ATP8A2: variants seen among roughly 807,000 people sequenced by gnomAD.
ATP8A2 encodes the protein ATPase phospholipid transporting 8A2, also known as phospholipid-transporting ATPase IB.
In ATP8A2, 100 loss-of-function variants were observed where a neutral mutation model predicts 165.6. The observed-to-expected ratio is 0.60, with a 90% confidence interval of 0.51 to 0.71. The LOEUF (loss-of-function observed/expected upper bound fraction) is 0.71, where lower values mean the gene tolerates loss of function less well. ATP8A2 is among the 30% of genes least tolerant of loss of function. ATP8A2 has a pLI of 0.00. For synonymous variants in ATP8A2, 543 were observed against 548.8 expected (o/e 0.99, Z 0.15); for missense variants, 1,227 against 1,479.5 (o/e 0.83, Z 2.80).
intron 1 of ATP8A2, among the ~76,000 whole-genome samples, chr13:25,439,826 G>A (rs1287720032): frequency 6.6e-6 from 1 of 151,910 alleles, no homozygotes; most frequent in African/African-American, 2.4e-5. Context: ...AGGATTGCTT[G>A]GGCCCAGGAG....
At chr13:25,772,063 C>A (rs1274550959) in intron 26 of ATP8A2, among the ~76,000 whole-genome samples, 1 of 152,162 alleles carries the variant, frequency 6.6e-6, no homozygotes, top group Non-Finnish European at 1.5e-5. Flanking sequence ...GGTTCTATTT[C>A]TTCCCTGCCT....
At chr13:25,715,243 G>T (rs2043232448) in intron 25 of ATP8A2, among the ~76,000 whole-genome samples, 1 of 152,156 alleles carries the variant, frequency 6.6e-6, no homozygotes, top group Non-Finnish European at 1.5e-5. Context: ...AGTCTCATTG[G>T]AACTTGGACT....
At chr13:25,934,413 G>A (rs777768583) in intron 33 of ATP8A2, among the ~76,000 whole-genome samples, 2 of 152,254 alleles carry the variant, frequency 1.3e-5, no homozygotes, top group Non-Finnish European at 2.9e-5. Context: ...AGCTGATACA[G>A]ATCGCAAGGC....
At chr13:25,899,785 T>A (rs1055423645) in intron 33 of ATP8A2, among the ~76,000 whole-genome samples, 4 of 152,010 alleles carry the variant, frequency 2.6e-5, no homozygotes, top group African/African-American at 9.7e-5. Flanking sequence ...GAAACTTGAT[T>A]TTCCTGCAGA....
chr13:25,962,256 G>T (rs1271000856), intron 34 of ATP8A2, among the ~76,000 whole-genome samples: 3 of 152,120 alleles, frequency 2.0e-5, no homozygotes, highest in African/African-American at 7.2e-5. Flanking sequence ...TTAGAGGGAA[G>T]CTATGTATAG....
chr13:25,872,083 A>G (rs1566223821), intron 33 of ATP8A2, among the ~76,000 whole-genome samples: 1 of 114,592 alleles, frequency 8.7e-6, no homozygotes, highest in African/African-American at 3.4e-5. Context: ...GCGCATTCAA[A>G]TGGTGCTGCT....
chr13:25,660,849 A>G (rs777477096), intron 24 of ATP8A2, among the ~76,000 whole-genome samples: 1 of 152,168 alleles, frequency 6.6e-6, no homozygotes, highest in Non-Finnish European at 1.5e-5. Flanking sequence ...CGGTTACCCC[A>G]AAAGGGACTC....
chr13:25,635,196 A>G (rs1324794391), intron 24 of ATP8A2, among the ~76,000 whole-genome samples: 1 of 152,172 alleles, frequency 6.6e-6, no homozygotes, highest in African/African-American at 2.4e-5. Context: ...AAAAGAGACA[A>G]TTCATAAACA....
rs542606008 is a variant in ATP8A2, at chr13:25,699,330, C to T, written c.2369C>T (p.Ala790Val). 2.7e-5 allele frequency: 43 copies of T among 1,612,134 alleles called. 1 individual carries two copies. Among genetic ancestry groups the T allele is most frequent in the East Asian group, 8.9e-5 (4 of 44,832 alleles). Residue 790 changes from alanine (A) to valine (V), a missense_variant, in exon 25 of 37, where the codon GCG (alanine) becomes GTG (valine). Around this residue, in one of 5 missense-constraint regions of ATP8A2, gnomAD observed 592 missense variants for 785.6 expected, o/e 0.75. Transcript: ENST00000381655. The stretch of plus-strand genomic sequence containing the variant: ...CTGGATTTGGCACTCTCGTGCAAAG[C>T]GGTCATATGCTGCAGGTAGGAACCT... ...SFLDLALSCK[A>V]VICCRVSPLQ... is the part of the protein sequence containing the mutation.
intron 27 of ATP8A2, among the ~76,000 whole-genome samples, chr13:25,792,507 A>G (rs975537854): frequency 2.6e-5 from 4 of 152,224 alleles, no homozygotes; most frequent in East Asian, 1.9e-4. Flanking sequence ...CTCACTAAGT[A>G]TGTATTATTT....
At chr13:26,009,559 G>A (rs1463658203) in intron 35 of ATP8A2, among the ~76,000 whole-genome samples, 1 of 152,214 alleles carries the variant, frequency 6.6e-6, no homozygotes, top group Non-Finnish European at 1.5e-5. Context: ...TTAGGGGGAT[G>A]GAGCTCAGGA....
At chr13:25,419,570 G>A (rs541534396) in intron 1 of ATP8A2, among the ~76,000 whole-genome samples, 1 of 152,192 alleles carries the variant, frequency 6.6e-6, no homozygotes, top group Non-Finnish European at 1.5e-5. Flanking sequence ...GGCAGCTGGA[G>A]TTTCCAGGAA....
chr13:25,428,395 C>T (rs568895136), intron 1 of ATP8A2, among the ~76,000 whole-genome samples: 5 of 152,152 alleles, frequency 3.3e-5, no homozygotes, highest in East Asian at 1.9e-4. Flanking sequence ...AATGGAGCAC[C>T]GAATGCTAGA....
intron 36 of ATP8A2, among the ~76,000 whole-genome samples, chr13:26,015,425 G>A (rs1956948466): frequency 6.6e-6 from 1 of 152,074 alleles, no homozygotes; most frequent in African/African-American, 2.4e-5. Context: ...TACAATATTT[G>A]TAATCAGCAT....
At chr13:25,919,593 A>G (rs1373001093) in intron 33 of ATP8A2, among the ~76,000 whole-genome samples, 2 of 152,088 alleles carry the variant, frequency 1.3e-5, no homozygotes, top group Non-Finnish European at 2.9e-5. Flanking sequence ...CTTTAAGGGA[A>G]GTTTACCCTC....
rs1299696508 is a variant in ATP8A2, at chr13:25,857,570, C to CCT, written c.2957-2625_2957-2624insCT. Among the ~76,000 whole-genome samples, 5 of 91,576 alleles carry CCT rather than the reference C, an allele frequency of 5.5e-5. No individual in the cohort carries two copies. The East Asian group carries it at 1.5e-3, about 28-fold the overall frequency. The allele number at this position is 91,576 out of a possible 152,430, so 60.1% of individuals were successfully genotyped here. A position where few individuals can be genotyped will look rare whatever the true frequency, so the allele number is the denominator to read the frequency against. On this transcript the variant is annotated intron_variant, in intron 30 of 36. Transcript: ENST00000381655. Reference sequence around the variant, plus strand: ...TGTTTCTTTTCTTTTCTTTTTTTTCCTTTTTTTTTTTTTTTTTTTTTGAGG... The same window carrying CCT: ...TGTTTCTTTTCTTTTCTTTTTTTTCCCTTTTTTTTTTTTTTTTTTTTTTGAGG...
intron 2 of ATP8A2, among the ~76,000 whole-genome samples, chr13:25,495,482 C>CA (rs1271767304): frequency 6.6e-6 from 1 of 152,056 alleles, no homozygotes; most frequent in African/African-American, 2.4e-5. Context: ...TTTTAAGAGA[C>CA]AGAGTCTTGC....
intron 36 of ATP8A2, among the ~76,000 whole-genome samples, chr13:26,018,968 G>A (rs7983646): frequency 0.08 from 12,113 of 152,266 alleles, 516 homozygotes; most frequent in South Asian, 0.12. Flanking sequence ...TGAACTGATT[G>A]TGTAAGAATA....
chr13:25,622,979 C>T (rs922158611), intron 24 of ATP8A2, among the ~76,000 whole-genome samples: 8 of 152,166 alleles, frequency 5.3e-5, no homozygotes, highest in Non-Finnish European at 1.0e-4. Flanking sequence ...TAGAAATCTT[C>T]ATAGTTAAAT....
Sources: allele counts gnomAD v4.1 joint callset (sites outside exome capture counted in the v4.1 genomes callset), GRCh38; gene constraint gnomAD v4.1.1; regional missense constraint gnomAD v4.1.1; transcripts MANE v1.5; gene names NCBI Gene and HGNC (gene_info 2026-07-23, HGNC 2026-07-21).